The following TRPS1 variants were observed in gnomAD, a reference collection of about 807,000 sequenced individuals.
TRPS1 encodes zinc finger transcription factor Trps1.
Under a neutral mutation model 101.2 loss-of-function variants are expected in TRPS1, and 6 were observed. That is an observed-to-expected ratio of 0.06 (90% confidence interval 0.03 to 0.12). TRPS1 has a LOEUF of 0.12. TRPS1 is among the 10% of genes least tolerant of loss of function. The pLI is 1.00. For synonymous variants in TRPS1, 578 were observed against 589.8 expected, an observed-to-expected ratio of 0.98 and a Z score of 0.29; for missense variants, 1,363 against 1,567.0, an observed-to-expected ratio of 0.87 and a Z score of 2.20.
chr8:115,593,014 C>G (rs1162780455), intron 4 of TRPS1, among the ~76,000 whole-genome samples: 2 of 151,822 alleles, frequency 1.3e-5, no homozygotes, highest in African/African-American at 2.4e-5. Context: ...AACGAGGTCT[C>G]ACTATGTCGC....
At chr8:115,563,183 T>C (rs956522387) in intron 5 of TRPS1, among the ~76,000 whole-genome samples, 1 of 152,054 alleles carries the variant, frequency 6.6e-6, no homozygotes, top group African/African-American at 2.4e-5. Flanking sequence ...TAAAAAGAAC[T>C]GCAAGTCCTT....
At chr8:115,423,369 G>A (rs1424104659) in intron 5 of TRPS1, among the ~76,000 whole-genome samples, 1 of 152,140 alleles carries the variant, frequency 6.6e-6, no homozygotes, top group Non-Finnish European at 1.5e-5. Flanking sequence ...TGATTGCCTG[G>A]CAAATGCTTT....
intron 5 of TRPS1, among the ~76,000 whole-genome samples, chr8:115,571,600 T>C (rs988743564): frequency 5.9e-5 from 9 of 152,158 alleles, no homozygotes; most frequent in Non-Finnish European, 7.4e-5. Context: ...TATTAAGATA[T>C]GTAACAGTGT....
At chr8:115,484,378 T>C (rs925937833) in intron 5 of TRPS1, among the ~76,000 whole-genome samples, 1 of 152,154 alleles carries the variant, frequency 6.6e-6, no homozygotes, top group Admixed American at 6.5e-5. Flanking sequence ...TAATATTTCA[T>C]ATTTCCAAAT....
At chr8:115,549,687 A>C (rs1396171887) in intron 5 of TRPS1, among the ~76,000 whole-genome samples, 1 of 151,754 alleles carries the variant, frequency 6.6e-6, no homozygotes, top group African/African-American at 2.4e-5. Flanking sequence ...AAAAAAAAAA[A>C]ACGCTAAACA....
intron 5 of TRPS1, among the ~76,000 whole-genome samples, chr8:115,553,154 T>C (rs1447253584): frequency 6.6e-6 from 1 of 152,074 alleles, no homozygotes; most frequent in African/African-American, 2.4e-5. Flanking sequence ...AATTACATAT[T>C]TTTATACATA....
In TRPS1 at chr8:115,623,527, G is replaced by T; in HGVS notation, c.37+74C>A. The T allele has an allele frequency of 3.3e-6, 5 of 1,535,348 alleles. No homozygotes were observed. The Admixed American group carries it at 5.3e-5, about 16-fold the overall frequency. ...GTTATTATCTCTAAGACAAATAACA[G>T]ATTGCACGATGTTTTACTGTGTGCC... On this transcript the variant is annotated intron_variant, in intron 2 of 6. Transcript: ENST00000395715.
chr8:115,661,675 T>C (rs1177798335), intron 1 of TRPS1: 3 of 151,808 alleles, frequency 2.0e-5, no homozygotes, highest in Non-Finnish European at 4.4e-5. Flanking sequence ...TAGTGCAGAA[T>C]GGTTTGCGGC....
chr8:115,514,222 A>G lies in TRPS1; in HGVS notation c.2700+72779T>C, dbSNP rs756133107. 2.2e-4 allele frequency among the ~76,000 whole-genome samples: 34 copies of G among 151,738 alleles called. 1 individual carries two copies. The Admixed American group carries it at 2.2e-3, about 10-fold the overall frequency. ...TTGGAAAGAAAGAATTAAAGAAGAC[A>G]TGGTCCTATGTTCAAAAACTCACTA... On this transcript the variant is annotated intron_variant, in intron 5 of 6. Coordinates refer to ENST00000395715, the MANE Select transcript of TRPS1 (RefSeq NM_014112.5).
At chr8:115,439,457 A>G (rs1376671046) in intron 5 of TRPS1, among the ~76,000 whole-genome samples, 1 of 152,212 alleles carries the variant, frequency 6.6e-6, no homozygotes, top group African/African-American at 2.4e-5. Flanking sequence ...ATCCTCTAGG[A>G]CAAATGTGGT....
At chr8:115,639,060 T>TTTTATTTA (rs565026701) in intron 1 of TRPS1, among the ~76,000 whole-genome samples, 3 of 151,974 alleles carry the variant, frequency 2.0e-5, no homozygotes, top group Admixed American at 2.0e-4. Context: ...CACTATATGA[T>TTTTATTTA]TTTATTTATT....
At chr8:115,533,449 T>TTTTTTTTTTG (rs1816197304) in intron 5 of TRPS1, among the ~76,000 whole-genome samples, 2 of 123,318 alleles carry the variant, frequency 1.6e-5, no homozygotes, top group African/African-American at 8.3e-5. Context: ...TTTTTTTTTT[T>TTTTTTTTTTG]TTTTTTTTTT....
chr8:115,563,851 T>TG (rs1473137654), intron 5 of TRPS1, among the ~76,000 whole-genome samples: 1 of 152,114 alleles, frequency 6.6e-6, no homozygotes, highest in African/African-American at 2.4e-5. Flanking sequence ...AATGCAGTCT[T>TG]GGGTTTATTT....
intron 5 of TRPS1, among the ~76,000 whole-genome samples, chr8:115,449,956 A>AACACACACACACACACACAC (rs61176190): frequency 7.5e-5 from 11 of 146,906 alleles, no homozygotes; most frequent in African/African-American, 2.3e-4. Context: ...TATGTGATTT[A>AACACACACACACACACACAC]ACACACACAC....
chr8:115,639,359 A>T (rs551908251), intron 1 of TRPS1, among the ~76,000 whole-genome samples: 35 of 152,274 alleles, frequency 2.3e-4, no homozygotes, highest in Non-Finnish European at 3.5e-4. Context: ...GTGAGCCACG[A>T]TGTCCAACAG....
intron 5 of TRPS1, among the ~76,000 whole-genome samples, chr8:115,501,184 T>C (rs546333874): frequency 6.6e-6 from 1 of 152,330 alleles, no homozygotes; most frequent in Admixed American, 6.5e-5. Flanking sequence ...CCAGGATTTC[T>C]TCCTTCTCAT....
intron 3 of TRPS1, among the ~76,000 whole-genome samples, chr8:115,617,037 T>G (rs1818290971): frequency 6.6e-6 from 1 of 152,230 alleles, no homozygotes. Flanking sequence ...TGCAAAGCAT[T>G]CAAGATTAGC....
intron 4 of TRPS1, among the ~76,000 whole-genome samples, chr8:115,590,973 AC>A (rs1321433765): frequency 2.0e-5 from 3 of 152,064 alleles, no homozygotes; most frequent in Non-Finnish European, 4.4e-5. Flanking sequence ...AAAAAAAAAA[AC>A]ATTTTTAAAA....
intron 1 of TRPS1, among the ~76,000 whole-genome samples, chr8:115,647,306 T>C (rs183337633): frequency 1.5e-3 from 228 of 152,172 alleles, no homozygotes; most frequent in Non-Finnish European, 2.7e-3. Context: ...ATACAGAGGG[T>C]ATAAAAAGCA....
Sources: gnomAD v4.1 joint callset for allele counts (sites outside exome capture counted in the v4.1 genomes callset) on GRCh38, gnomAD v4.1.1 for gene constraint, MANE v1.5 for transcripts, NCBI Gene and HGNC (gene_info 2026-07-23, HGNC 2026-07-21) for gene names.